Variants in ANK3 observed in about 807,000 individuals in gnomAD.
The protein encoded by ANK3 is ankyrin 3.
ANK3 carries 57 observed loss-of-function variants against 370.9 expected under a neutral mutation model. The ratio of observed to expected loss-of-function variants is 0.15; its 90% CI spans 0.12 to 0.19. The LOEUF is 0.19. Among genes scored for constraint, ANK3 ranks in the 10% least tolerant of loss-of-function variants. The probability of loss-of-function intolerance (pLI) is 1.00; values close to 1 mark genes in which losing one functional copy is unlikely to be tolerated. For missense variants in ANK3, 4,439 were observed against 5,302.1 expected (o/e 0.84, Z 5.06); for synonymous variants, 1,929 against 1,946.3 (o/e 0.99, Z 0.23).
At position 60,051,586 on chromosome 10, in the gene ANK3, T is replaced by C. The variant is rs564756706; in HGVS notation, c.13065+4072A>G. ...CCTGACAAATGCATTTTTAGTATAA[T>C]TTTACCATCACACTTAAAATAAAAG... is the stretch of plus-strand genomic sequence containing the variant. On this transcript the variant is annotated intron_variant, in intron 42 of 43. Coordinates refer to ENST00000280772, the MANE Select transcript of ANK3 (RefSeq NM_020987.5). 8 of 945,314 alleles carry C rather than the reference T, an allele frequency of 8.5e-6. No homozygotes were observed. The African/African-American group carries it at 1.4e-4, about 17-fold the overall frequency. 58.6% of individuals were successfully genotyped at this position (945,314 alleles called of 1,614,324 possible). A position where few individuals can be genotyped will look rare whatever the true frequency, so the allele number is the denominator to read the frequency against.
chr10:60,217,349 T>C (rs997371384), intron 8 of ANK3, among the ~76,000 whole-genome samples: 4 of 152,126 alleles, frequency 2.6e-5, no homozygotes, highest in African/African-American at 9.7e-5. Flanking sequence ...ATTGTGATAT[T>C]AGGGTGTCGA....
At chr10:60,453,150 T>C (rs1240211344) in intron 2 of ANK3, among the ~76,000 whole-genome samples, 1 of 152,220 alleles carries the variant, frequency 6.6e-6, no homozygotes, top group African/African-American at 2.4e-5. Context: ...CAGGATTTAC[T>C]AGCTATGAAA....
At chr10:60,265,184 C>T (rs1317884145) in intron 5 of ANK3, among the ~76,000 whole-genome samples, 1 of 151,988 alleles carries the variant, frequency 6.6e-6, no homozygotes, top group Non-Finnish European at 1.5e-5. Flanking sequence ...TCAAGTTGTG[C>T]AATAAATTTC....
chr10:60,055,216 T>C (rs1372762564), intron 42 of ANK3, among the ~76,000 whole-genome samples: 1 of 152,148 alleles, frequency 6.6e-6, no homozygotes, highest in Non-Finnish European at 1.5e-5. Flanking sequence ...GAACAGAACT[T>C]AGATGGGTCA....
chr10:60,616,564 C>G (rs551188519), intron 1 of ANK3, among the ~76,000 whole-genome samples: 159 of 152,170 alleles, frequency 1.0e-3, no homozygotes, highest in African/African-American at 3.6e-3. Flanking sequence ...CCTAATCTAC[C>G]TATTTACATG....
chr10:60,540,625 A>G (rs1938526), intron 2 of ANK3, among the ~76,000 whole-genome samples: 13,368 of 151,918 alleles, frequency 0.088, 1,147 homozygotes, highest in East Asian at 0.31. Context: ...GGCCATGACA[A>G]TGAGATTAAG....
In ANK3 at chr10:60,413,696, T is replaced by C. The variant is rs74897138; in HGVS notation, c.97-134057A>G. On this transcript the variant is annotated intron_variant, in intron 2 of 43. Transcript: ENST00000373827. ...AATCATGCAGAGTATTTAATTGATATTTCATAAACTAAAACAGGTGGGCTG... is the reference window on the plus strand; with the variant it reads ...AATCATGCAGAGTATTTAATTGATACTTCATAAACTAAAACAGGTGGGCTG... 9.0e-3 allele frequency among the ~76,000 whole-genome samples: 1,368 copies of C among 152,282 alleles called. 21 individuals are homozygous for C. Among genetic ancestry groups the C allele is most frequent in the African/African-American group, 0.029 (1,206 of 41,556 alleles).
intron 1 of ANK3, among the ~76,000 whole-genome samples, chr10:60,671,470 ACT>A (rs1173687889): frequency 6.6e-6 from 1 of 152,022 alleles, no homozygotes; most frequent in Non-Finnish European, 1.5e-5. Context: ...TCCCATTTAC[ACT>A]CTAATTCAGC....
chr10:60,080,702 G>A (rs2241540), intron 35 of ANK3, 84 bp from the exon 36 acceptor site: 327,706 of 1,026,686 alleles, frequency 0.32, 57,251 homozygotes, highest in Non-Finnish European at 0.36. Context: ...AGGATGGCAT[G>A]TTGATAACTT....
chr10:60,297,980 T>G (rs958805048), intron 1 of ANK3, among the ~76,000 whole-genome samples: 5 of 152,132 alleles, frequency 3.3e-5, no homozygotes, highest in Non-Finnish European at 7.4e-5. Flanking sequence ...AATATGTATT[T>G]ATTACTGGAT....
intron 1 of ANK3, among the ~76,000 whole-genome samples, chr10:60,351,205 G>C (rs538262577): frequency 6.6e-6 from 1 of 152,274 alleles, no homozygotes; most frequent in East Asian, 1.9e-4. Context: ...GCTCCCAATA[G>C]TTAATAGGAC....
At chr10:60,336,413 A>G (rs1007548732) in intron 1 of ANK3, among the ~76,000 whole-genome samples, 3 of 152,210 alleles carry the variant, frequency 2.0e-5, no homozygotes, top group African/African-American at 4.8e-5. Flanking sequence ...TACAGAATGT[A>G]AACTGTAAGC....
chr10:60,552,833 T>C (rs2133234982), intron 2 of ANK3, among the ~76,000 whole-genome samples: 1 of 152,218 alleles, frequency 6.6e-6, no homozygotes, highest in South Asian at 2.1e-4. Flanking sequence ...GATTGAATCA[T>C]GGGGGTGGGT....
At chr10:60,270,250 T>C in intron 4 of ANK3, 21 bp from the exon 5 acceptor site, 2 of 1,535,734 alleles carry the variant, frequency 1.3e-6, no homozygotes, top group Non-Finnish European at 1.8e-6. Flanking sequence ...AGAAAAAAAA[T>C]GTTTGTCTGC....
intron 2 of ANK3, among the ~76,000 whole-genome samples, chr10:60,395,560 CTTT>C (rs1567004204): frequency 4.4e-5 from 4 of 90,812 alleles, no homozygotes; most frequent in Non-Finnish European, 9.0e-5. Flanking sequence ...CTCTTTCTTT[CTTT>C]CTTTCTTTCT....
intron 2 of ANK3, among the ~76,000 whole-genome samples, chr10:60,477,920 G>A: frequency 6.6e-6 from 1 of 152,020 alleles, no homozygotes. Context: ...TTATCCTGCA[G>A]GAAGGACATT....
At chr10:60,582,376 A>G (rs1214213844) in intron 2 of ANK3, among the ~76,000 whole-genome samples, 2 of 152,180 alleles carry the variant, frequency 1.3e-5, no homozygotes, top group Admixed American at 6.5e-5. Flanking sequence ...TTTCTACTGA[A>G]GTTCCAATTG....
chr10:60,236,769 T>C (rs1033960508), intron 7 of ANK3, among the ~76,000 whole-genome samples: 3 of 152,196 alleles, frequency 2.0e-5, no homozygotes, highest in Non-Finnish European at 2.9e-5. Context: ...TTAGTAATGC[T>C]GGTGGAAAGT....
intron 2 of ANK3, among the ~76,000 whole-genome samples, chr10:60,448,175 C>A (rs2064500529): frequency 6.6e-6 from 1 of 152,154 alleles, no homozygotes; most frequent in Non-Finnish European, 1.5e-5. Context: ...ATAATGACCA[C>A]AGCCTGTGCG....
Sources: gnomAD v4.1 joint callset for allele counts (sites outside exome capture counted in the v4.1 genomes callset) on GRCh38, gnomAD v4.1.1 for gene constraint, MANE v1.5 for transcripts, NCBI Gene and HGNC (gene_info 2026-07-23, HGNC 2026-07-21) for gene names.